Variants in MRM3 observed in about 807,000 individuals in gnomAD.
MRM3 encodes the protein mitochondrial rRNA methyltransferase 3.
In MRM3, 26 loss-of-function variants were observed where a neutral mutation model predicts 29.4. That is an observed-to-expected ratio of 0.89 (90% CI 0.65 to 1.23). The LOEUF is 1.23. Among genes scored for constraint, MRM3 ranks in the 50% most tolerant of loss-of-function variants. The probability of loss-of-function intolerance (pLI) is 0.00; values close to 1 mark genes in which losing one functional copy is unlikely to be tolerated. For missense variants in MRM3, 578 were observed against 540.2 expected, an observed-to-expected ratio of 1.07 and a Z score of -0.69; for synonymous variants, 225 against 219.0, an observed-to-expected ratio of 1.03 and a Z score of -0.24.
Position 782,618 on chromosome 17 carries a change from A to G in MRM3, c.240A>G (p.Ala80=). The G allele has an allele frequency of 6.2e-7, 1 of 1,613,962 alleles. No homozygotes were observed. The highest frequency in any genetic ancestry group is 8.5e-7 in the Non-Finnish European group (1 of 1,179,948). ...AGAAACAACCGCTCGAGGAGTCCGC[A>G]TCCCGCGCTCCCAGCACCTGGGAAG... The part of the protein sequence containing the change: ...QREKQPLEES[A]SRAPSTWEES... The change falls in exon 1 of 4, where the codon GCA becomes GCG. Residue 80 remains alanine (A), a synonymous_variant. Coordinates refer to ENST00000304478, the MANE Select transcript of MRM3 (RefSeq NM_018146.4).
chr17:789,270 A>G (rs1910686303), intron 3 of MRM3, among the ~76,000 whole-genome samples: 1 of 152,236 alleles, frequency 6.6e-6, no homozygotes, highest in African/African-American at 2.4e-5. Context: ...ATTGCTGAGT[A>G]TATGAGCCAC....
At position 787,787 on chromosome 17, in the gene MRM3, G is replaced by A. The variant is rs183580743; in HGVS notation, c.560-178G>A. The stretch of plus-strand genomic sequence containing the variant: ...TGGTCTCGGACTCCTGACCTCAGGT[G>A]ATCCACCCGCCTTGGCCTCCCGAAG... On this transcript the variant is annotated intron_variant, in intron 2 of 3. Coordinates refer to ENST00000304478, the MANE Select transcript of MRM3 (RefSeq NM_018146.4). The surrounding 1 kb of genome is among the most constrained non-coding windows in gnomAD (Gnocchi z 4.1). Among the ~76,000 whole-genome samples the A allele has an allele frequency of 9.5e-4, 145 of 152,340 alleles. No individual in the cohort carries two copies. The highest frequency in any genetic ancestry group is 3.3e-3 in the African/African-American group (136 of 41,590).
intron 2 of MRM3, among the ~76,000 whole-genome samples, chr17:786,582 T>C (rs969498793): frequency 4.6e-5 from 7 of 151,598 alleles, no homozygotes; most frequent in African/African-American, 1.7e-4. Flanking sequence ...GCCTAATTTT[T>C]GTATTTTTAT....
Position 782,664 on chromosome 17 carries a change from A to G in MRM3, c.286A>G (p.Lys96Glu). The G allele has an allele frequency of 3.7e-6, 6 of 1,610,580 alleles. No homozygotes were observed. Among genetic ancestry groups the G allele is most frequent in the Non-Finnish European group, 5.1e-6 (6 of 1,177,504 alleles). ...TWEESGLRYD[K>E]AYPGDRRLSS... ...GGAAGAGTCTGGGCTTCGCTACGAT[A>G]AAGCTTATCCCGGGGACAGGAGGCT... Residue 96 changes from lysine to glutamate, a missense_variant, in exon 1 of 4, where the codon AAA becomes GAA. Coordinates refer to ENST00000304478, the MANE Select transcript of MRM3 (RefSeq NM_018146.4).
intron 3 of MRM3, chr17:789,943 C>G (rs1362422073): frequency 6.6e-6 from 1 of 152,260 alleles, no homozygotes; most frequent in East Asian, 1.9e-4. Flanking sequence ...GGGTCAGCCT[C>G]GGCCGCTCCT....
intron 2 of MRM3, among the ~76,000 whole-genome samples, chr17:786,518 G>T (rs555402859): frequency 1.3e-5 from 2 of 151,824 alleles, no homozygotes; most frequent in Admixed American, 1.3e-4. Flanking sequence ...CTCATGATCC[G>T]CCCACCTCAG....
rs376365952 is a variant in MRM3, at chr17:787,394, A to G, written c.560-571A>G. ...GACACGGAATGTAAAACACATTTAC[A>G]TATGGACAGGTGTGCATATATATAG... is the stretch of plus-strand genomic sequence containing the variant. On this transcript the variant is annotated intron_variant, in intron 2 of 3. Coordinates refer to ENST00000304478, the MANE Select transcript of MRM3 (RefSeq NM_018146.4). The surrounding 1 kb of genome is among the most constrained non-coding windows in gnomAD (Gnocchi z 4.1). Among the ~76,000 whole-genome samples the G allele has an allele frequency of 2.0e-5, 3 of 152,244 alleles. No homozygotes were observed. Among genetic ancestry groups the G allele is most frequent in the East Asian group, 1.9e-4 (1 of 5,198 alleles).
chr17:786,427 C>T (rs1910537247), intron 2 of MRM3, among the ~76,000 whole-genome samples: 1 of 152,164 alleles, frequency 6.6e-6, no homozygotes, highest in Admixed American at 6.6e-5. Context: ...GCGCCCGTCA[C>T]CACGCCCGGC....
rs369885209 is a variant in MRM3, at chr17:783,117, C to T, written c.349C>T (p.Arg117Trp). ...VMTIVKSRPF[R>W]EKQGKILLEG... Reference sequence around the variant, plus strand: ...GACAATAGTAAAGTCCAGGCCATTTCGGGAAAAACAAGGGAAGATCCTGCT... The same window carrying T: ...GACAATAGTAAAGTCCAGGCCATTTTGGGAAAAACAAGGGAAGATCCTGCT... The change falls in exon 2 of 4, where the codon CGG (arginine) becomes TGG (tryptophan). Residue 117 changes from arginine to tryptophan, a missense_variant. Arg to Trp is a moderately radical substitution (Grantham distance 101). Transcript: ENST00000304478. 1.9e-6 allele frequency: 3 copies of T among 1,613,396 alleles called. No individual in the cohort carries two copies. The highest frequency in any genetic ancestry group is 2.7e-5 in the African/African-American group (2 of 74,766).
chr17:788,990 A>T (rs947921906), intron 3 of MRM3, among the ~76,000 whole-genome samples: 5 of 152,094 alleles, frequency 3.3e-5, no homozygotes, highest in Non-Finnish European at 5.9e-5. Flanking sequence ...TCTCTTTTTT[A>T]AAAATTATGT....
In MRM3 at chr17:787,926, C is replaced by G; in HGVS notation, c.560-39C>G. The G allele has an allele frequency of 6.2e-7, 1 of 1,601,720 alleles. No individual in the cohort carries two copies. Reference sequence around the variant, plus strand: ...TGAAAAGTCAGACTATTCCCCGTGCCCACACCAGGCAAGTAAACCACCTGT... The same window carrying G: ...TGAAAAGTCAGACTATTCCCCGTGCGCACACCAGGCAAGTAAACCACCTGT... On this transcript the variant is annotated intron_variant, in intron 2 of 3. Coordinates refer to ENST00000304478, the MANE Select transcript of MRM3 (RefSeq NM_018146.4). The surrounding 1 kb of genome is among the most constrained non-coding windows in gnomAD (Gnocchi z 4.1).
At chr17:783,480 G>T (rs944040832) in intron 2 of MRM3, 153 bp downstream of exon 2, 2 of 704,260 alleles carry the variant, frequency 2.8e-6, no homozygotes, top group Non-Finnish European at 4.4e-6. Context: ...GGGATTACAG[G>T]CGTCTGCCAC....
rs1221002035 is a variant in MRM3, at chr17:788,094, C to T, written c.689C>T (p.Ala230Val). The T allele has an allele frequency of 1.9e-6, 3 of 1,614,180 alleles. No individual in the cohort carries two copies. Among genetic ancestry groups the T allele is most frequent in the Middle Eastern group, 1.6e-4 (1 of 6,062 alleles). The change falls in exon 3 of 4, where the codon GCA (alanine) becomes GTA (valine). Residue 230 changes from alanine to valine, a missense_variant. Ala to Val is a moderately conservative substitution (Grantham distance 64). Coordinates refer to ENST00000304478, the MANE Select transcript of MRM3 (RefSeq NM_018146.4). ...AACCTGGGGACAATTCTGAGATCTG[C>T]AGCTGGGGCAGGCTGCAGCAAAGTG... ...PGNLGTILRSAAGAGCSKVLL... is the reference protein window; with the variant it reads ...PGNLGTILRSVAGAGCSKVLL...
intron 2 of MRM3, among the ~76,000 whole-genome samples, chr17:784,122 G>A (rs1420197650): frequency 6.6e-6 from 1 of 152,180 alleles, no homozygotes; most frequent in South Asian, 2.1e-4. Context: ...ATGTAACTCC[G>A]ATGTTGATTA....
intron 3 of MRM3, chr17:790,226 C>A: frequency 6.5e-6 from 1 of 152,712 alleles, no homozygotes. Flanking sequence ...TGGTGAGGAG[C>A]CGCCCCTGGG....
intron 1 of MRM3, 129 bp from the exon 2 acceptor site, chr17:782,954 C>T (rs1399797705): frequency 6.0e-6 from 8 of 1,338,094 alleles, no homozygotes; most frequent in Non-Finnish European, 8.1e-6. Context: ...TCCCAATGTG[C>T]TGGGATTACA....
chr17:784,433 T>C (rs750060609), intron 2 of MRM3, among the ~76,000 whole-genome samples: 8 of 152,232 alleles, frequency 5.3e-5, no homozygotes, highest in Admixed American at 2.0e-4. Context: ...GAAAGTGTTA[T>C]TCATTTTTAC....
Sources: allele counts gnomAD v4.1 joint callset (sites outside exome capture counted in the v4.1 genomes callset), GRCh38; gene constraint gnomAD v4.1.1; non-coding constraint Gnocchi (gnomAD v3.1); transcripts MANE v1.5; gene names NCBI Gene and HGNC (gene_info 2026-07-23, HGNC 2026-07-21).